Variants in RBFOX1 observed in about 807,000 individuals in gnomAD.
The protein encoded by RBFOX1 is RNA binding fox-1 homolog 1, also known as RNA binding protein fox-1 homolog 1.
A neutral mutation model predicts 57.7 loss-of-function variants in RBFOX1; 8 were observed. The observed-to-expected ratio is 0.14, with a 90% CI of 0.08 to 0.25. The LOEUF (loss-of-function observed/expected upper bound fraction) is 0.25. Among genes scored for constraint, RBFOX1 ranks in the 10% least tolerant of loss-of-function variants. RBFOX1 has a pLI of 1.00. For missense variants in RBFOX1, 611 were observed against 548.5 expected (o/e 1.11, Z -1.14); for synonymous variants, 326 against 222.4 (o/e 1.47, Z -4.15).
At chr16:7,695,781 G>C (rs2078627302) in intron 14 of RBFOX1, among the ~76,000 whole-genome samples, 1 of 151,828 alleles carries the variant, frequency 6.6e-6, no homozygotes, top group Admixed American at 6.6e-5. Flanking sequence ...CTATCTACTG[G>C]ATATCAGAGT....
chr16:5,725,286 C>T (rs1365064985), intron 3 of RBFOX1, among the ~76,000 whole-genome samples: 3 of 151,964 alleles, frequency 2.0e-5, no homozygotes, highest in African/African-American at 4.8e-5. Flanking sequence ...CTCTGTCTCC[C>T]AGGCAGAAGT....
At chr16:5,593,463 A>G (rs1307143596) in intron 2 of RBFOX1, among the ~76,000 whole-genome samples, 1 of 152,186 alleles carries the variant, frequency 6.6e-6, no homozygotes, top group East Asian at 1.9e-4. Context: ...CACTTTCTGC[A>G]CATCTATCCC....
At chr16:6,712,883 GTTTTTTTT>G (rs61328266) in intron 3 of RBFOX1, among the ~76,000 whole-genome samples, 5 of 83,018 alleles carry the variant, frequency 6.0e-5, no homozygotes, top group African/African-American at 2.0e-4. Flanking sequence ...TCATGGGGGT[GTTTTTTTT>G]TTTTTTTTTT....
At chr16:5,814,979 TTTTC>T (rs960257506) in intron 3 of RBFOX1, among the ~76,000 whole-genome samples, 12 of 151,422 alleles carry the variant, frequency 7.9e-5, no homozygotes, top group South Asian at 2.1e-4. Flanking sequence ...TCCTGACCTA[TTTTC>T]TTTCTTTCTT....
chr16:5,766,437 T>G (rs1469184463), intron 3 of RBFOX1, among the ~76,000 whole-genome samples: 2 of 151,980 alleles, frequency 1.3e-5, no homozygotes, highest in Non-Finnish European at 2.9e-5. Context: ...TGCAAAAAAT[T>G]AGCTGGGTGT....
chr16:5,456,064 G>C (rs1460353683), intron 1 of RBFOX1, among the ~76,000 whole-genome samples: 1 of 151,462 alleles, frequency 6.6e-6, no homozygotes, highest in Non-Finnish European at 1.5e-5. Context: ...AAATACACAA[G>C]AAGAAATAAA....
intron 1 of RBFOX1, among the ~76,000 whole-genome samples, chr16:6,262,248 G>T (rs2152638102): frequency 6.6e-6 from 1 of 152,248 alleles, no homozygotes; most frequent in East Asian, 1.9e-4. Context: ...AATCGGGAAA[G>T]TTAAGTCACA....
intron 2 of RBFOX1, among the ~76,000 whole-genome samples, chr16:5,519,500 G>C (rs2043928308): frequency 6.6e-6 from 1 of 152,196 alleles, no homozygotes; most frequent in Non-Finnish European, 1.5e-5. Flanking sequence ...GAGATGGGAG[G>C]ATCACTTGAA....
chr16:5,461,124 G>A (rs984910110), intron 1 of RBFOX1, among the ~76,000 whole-genome samples: 5 of 152,166 alleles, frequency 3.3e-5, no homozygotes, highest in African/African-American at 1.2e-4. Context: ...GCAGACTGGA[G>A]AGGAAAACAG....
intron 4 of RBFOX1, among the ~76,000 whole-genome samples, chr16:7,455,917 G>A (rs1239287355): frequency 6.6e-6 from 1 of 151,712 alleles, no homozygotes; most frequent in African/African-American, 2.4e-5. Context: ...TATTCTTACA[G>A]CACCCCTATT....
At chr16:6,735,923 A>T (rs1482950452) in intron 3 of RBFOX1, among the ~76,000 whole-genome samples, 4 of 149,914 alleles carry the variant, frequency 2.7e-5, no homozygotes, top group Non-Finnish European at 5.9e-5. Flanking sequence ...TTTTGTCGCC[A>T]TTTTTTTTTT....
chr16:6,535,457 C>T (rs1019486813), intron 2 of RBFOX1, among the ~76,000 whole-genome samples: 4 of 152,122 alleles, frequency 2.6e-5, no homozygotes, highest in Non-Finnish European at 5.9e-5. Context: ...CTTTTCATAC[C>T]ACCCAACATC....
intron 4 of RBFOX1, among the ~76,000 whole-genome samples, chr16:7,061,014 A>G (rs1172439325): frequency 1.6e-5 from 2 of 124,498 alleles, no homozygotes; most frequent in East Asian, 5.4e-4. Flanking sequence ...GATTTCATGT[A>G]TGTTCTCCTG....
Position 5,829,888 on chromosome 16 carries a change from T to C in RBFOX1, c.319-37415T>C, listed in dbSNP as rs550685174. ...AAAACAGGGGGGAAGAAAAGGCCTT[T>C]GGTTTTTTTTTCCCCTTAGGTGACT... is the stretch of plus-strand genomic sequence containing the variant. On this transcript the variant is annotated intron_variant, in intron 3 of 19. Coordinates refer to the RBFOX1 transcript ENST00000641259. Among the ~76,000 whole-genome samples, 583 of 152,220 alleles carry C rather than the reference T, an allele frequency of 3.8e-3. 3 individuals carry two copies. The highest frequency in any genetic ancestry group is 0.02 in the Middle Eastern group (6 of 294).
chr16:6,872,920 A>T (rs929006696), intron 3 of RBFOX1, among the ~76,000 whole-genome samples: 2 of 152,070 alleles, frequency 1.3e-5, no homozygotes, highest in Admixed American at 6.5e-5. Context: ...CTTCTCAGTA[A>T]CCTCCCTGAC....
At chr16:6,367,521 C>T (rs985262056) in intron 2 of RBFOX1, among the ~76,000 whole-genome samples, 3 of 152,086 alleles carry the variant, frequency 2.0e-5, no homozygotes, top group Admixed American at 1.3e-4. Flanking sequence ...CCACCCATCT[C>T]GGCCTCCCAA....
At chr16:7,305,050 C>T (rs969050346) in intron 4 of RBFOX1, among the ~76,000 whole-genome samples, 1 of 151,152 alleles carries the variant, frequency 6.6e-6, no homozygotes, top group Non-Finnish European at 1.5e-5. Context: ...TGCCTTCAAA[C>T]TCACTGGCAA....
chr16:7,633,803 C>T (rs1252333778), intron 11 of RBFOX1, among the ~76,000 whole-genome samples: 1 of 152,162 alleles, frequency 6.6e-6, no homozygotes, highest in Non-Finnish European at 1.5e-5. Context: ...ATCCGCAAAT[C>T]CCTAAGACAC....
intron 1 of RBFOX1, among the ~76,000 whole-genome samples, chr16:6,284,634 T>A (rs531458540): frequency 6.6e-6 from 1 of 152,316 alleles, no homozygotes; most frequent in East Asian, 1.9e-4. Flanking sequence ...TTGGGTATAC[T>A]TACAGAAAGT....
Sources: gnomAD v4.1 joint callset for allele counts (sites outside exome capture counted in the v4.1 genomes callset) on GRCh38, gnomAD v4.1.1 for gene constraint, MANE v1.5 for transcripts, NCBI Gene and HGNC (gene_info 2026-07-23, HGNC 2026-07-21) for gene names.